PARD3: variants seen among roughly 807,000 people sequenced by gnomAD.
PARD3 encodes partitioning defective 3 homolog.
Under a neutral mutation model 155.4 loss-of-function variants are expected in PARD3, and 75 were observed. The ratio of observed to expected loss-of-function variants is 0.48; its 90% CI spans 0.40 to 0.58. The LOEUF is 0.58. Ranked by LOEUF, PARD3 falls within the 20% of genes least tolerant of loss-of-function variation. The pLI, the probability that PARD3 is intolerant of heterozygous loss-of-function variation, is 0.00. For synonymous variants in PARD3, 576 were observed against 610.5 expected (o/e 0.94, Z 0.83); for missense variants, 1,642 against 1,721.7 (o/e 0.95, Z 0.82).
chr10:34,250,641 TTTTG>T (rs1388162573), intron 22 of PARD3, among the ~76,000 whole-genome samples: 2 of 148,466 alleles, frequency 1.3e-5, no homozygotes. Flanking sequence ...CCTTTTCAGA[TTTTG>T]TTTATCATTT....
chr10:34,153,425 A>G (rs1159326296), intron 22 of PARD3, among the ~76,000 whole-genome samples: 1 of 152,246 alleles, frequency 6.6e-6, no homozygotes, highest in East Asian at 1.9e-4. Flanking sequence ...CTTTTAGTCC[A>G]TAATATGAAC....
intron 22 of PARD3, among the ~76,000 whole-genome samples, chr10:34,236,275 G>C (rs945217703): frequency 6.6e-5 from 10 of 152,142 alleles, no homozygotes; most frequent in South Asian, 2.1e-4. Flanking sequence ...TGTAGTAATA[G>C]ACACCATTTA....
chr10:34,376,499 G>A (rs1841254591), intron 10 of PARD3, among the ~76,000 whole-genome samples: 1 of 152,156 alleles, frequency 6.6e-6, no homozygotes, highest in Admixed American at 6.5e-5. Context: ...AGCTACGACT[G>A]CAGACGTGGG....
At chr10:34,469,343 A>G (rs2034289492) in intron 4 of PARD3, among the ~76,000 whole-genome samples, 1 of 152,210 alleles carries the variant, frequency 6.6e-6, no homozygotes, top group African/African-American at 2.4e-5. Context: ...CCTCCTGGCC[A>G]GGAGTTCCAC....
chr10:34,341,896 T>TA, intron 15 of PARD3, 80 bp from the exon 16 acceptor site: 3 of 863,140 alleles, frequency 3.5e-6, no homozygotes, highest in Non-Finnish European at 5.4e-6. Context: ...TACTTTGCTA[T>TA]ATTAGTAAAA....
In PARD3 at chr10:34,617,235, C is replaced by T. The variant is rs139156746; in HGVS notation, c.222+79083G>A. ...ACGCACCATTACACTCCAGCCTGGGCGACAGAGCAAGACTCTGTCTCAAAA... is the reference window on the plus strand; with the variant it reads ...ACGCACCATTACACTCCAGCCTGGGTGACAGAGCAAGACTCTGTCTCAAAA... On this transcript the variant is annotated intron_variant, in intron 2 of 24. Coordinates refer to ENST00000374788, the MANE Select transcript of PARD3 (RefSeq NM_001184785.2). Among the ~76,000 whole-genome samples the T allele has an allele frequency of 4.6e-3, 693 of 151,408 alleles. 2 individuals are homozygous for T. The highest frequency in any genetic ancestry group is 7.6e-3 in the Non-Finnish European group (513 of 67,884).
At chr10:34,810,844 A>C (rs749792299) in intron 1 of PARD3, among the ~76,000 whole-genome samples, 1 of 152,174 alleles carries the variant, frequency 6.6e-6, no homozygotes, top group Non-Finnish European at 1.5e-5. Context: ...CTGCCAGGGA[A>C]TATTCCACTT....
chr10:34,513,823 C>A (rs1045566094), intron 3 of PARD3, among the ~76,000 whole-genome samples: 8 of 152,160 alleles, frequency 5.3e-5, no homozygotes, highest in African/African-American at 1.9e-4. Context: ...TCGGATTGTC[C>A]TGTGCTTGTA....
At chr10:34,549,911 A>G (rs565764041) in intron 2 of PARD3, among the ~76,000 whole-genome samples, 1 of 151,952 alleles carries the variant, frequency 6.6e-6, no homozygotes, top group East Asian at 1.9e-4. Flanking sequence ...AAAATTTCCA[A>G]TTCTCCTCCA....
At chr10:34,488,275 T>G (rs2079607420) in intron 3 of PARD3, among the ~76,000 whole-genome samples, 1 of 152,142 alleles carries the variant, frequency 6.6e-6, no homozygotes, top group Admixed American at 6.5e-5. Flanking sequence ...AGCTGGGCTT[T>G]TCATCTTGCA....
chr10:34,443,060 A>C (rs1360587633), intron 5 of PARD3, among the ~76,000 whole-genome samples: 1 of 152,054 alleles, frequency 6.6e-6, no homozygotes, highest in African/African-American at 2.4e-5. Flanking sequence ...CAGTGGAAAA[A>C]AAACAACTCT....
At chr10:34,186,806 T>C (rs1420360957) in intron 22 of PARD3, among the ~76,000 whole-genome samples, 1 of 152,124 alleles carries the variant, frequency 6.6e-6, no homozygotes, top group Non-Finnish European at 1.5e-5. Context: ...GTATTCTTAA[T>C]GGCTGAGGTC....
intron 23 of PARD3, among the ~76,000 whole-genome samples, chr10:34,129,964 T>C (rs1947520088): frequency 6.6e-6 from 1 of 151,566 alleles, no homozygotes. Flanking sequence ...CCACCATGCC[T>C]GGCCTCCAGC....
intron 22 of PARD3, among the ~76,000 whole-genome samples, chr10:34,170,977 A>T (rs1298222716): frequency 6.6e-6 from 1 of 152,234 alleles, no homozygotes; most frequent in Non-Finnish European, 1.5e-5. Flanking sequence ...TAATCAAGCC[A>T]GGTCGTCTTA....
chr10:34,784,130 G>A (rs1840636667), intron 1 of PARD3, among the ~76,000 whole-genome samples: 1 of 152,146 alleles, frequency 6.6e-6, no homozygotes, highest in Non-Finnish European at 1.5e-5. Flanking sequence ...AGGATTGCTA[G>A]AGCTGGGGTG....
At chr10:34,375,053 AAC>A (rs35263377) in intron 10 of PARD3, 51 bp from the exon 11 acceptor site, 152,352 of 775,120 alleles carry the variant, frequency 0.2, 3,648 homozygotes, top group East Asian at 0.35. Context: ...ACAACAGGAA[AAC>A]ACACACACAC....
intron 22 of PARD3, among the ~76,000 whole-genome samples, chr10:34,172,471 A>C (rs1053277433): frequency 3.3e-5 from 5 of 152,172 alleles, no homozygotes; most frequent in African/African-American, 1.2e-4. Context: ...CTTAATGCAA[A>C]TATCTGAGAC....
At chr10:34,259,067 C>CT (rs1954812551) in intron 22 of PARD3, among the ~76,000 whole-genome samples, 1 of 150,492 alleles carries the variant, frequency 6.6e-6, no homozygotes, top group Non-Finnish European at 1.5e-5. Context: ...GATTCTGTCT[C>CT]TAAAAAAAAA....
intron 2 of PARD3, among the ~76,000 whole-genome samples, chr10:34,683,122 A>G (rs1351184854): frequency 6.6e-6 from 1 of 152,204 alleles, no homozygotes; most frequent in Non-Finnish European, 1.5e-5. Flanking sequence ...CAACACCCTA[A>G]GTGAAATAAC....
Sources: gnomAD v4.1 joint callset for allele counts (sites outside exome capture counted in the v4.1 genomes callset) on GRCh38, gnomAD v4.1.1 for gene constraint, MANE v1.5 for transcripts, NCBI Gene and HGNC (gene_info 2026-07-23, HGNC 2026-07-21) for gene names.